The following SELP variants were observed in gnomAD, a reference collection of about 807,000 sequenced individuals.
SELP encodes the protein selectin P.
In SELP, 92 loss-of-function variants were observed where a neutral mutation model predicts 104.1. The observed-to-expected ratio is 0.88, with a 90% CI of 0.75 to 1.05. SELP has a LOEUF of 1.05. SELP is among the 50% of genes least tolerant of loss of function. SELP has a pLI of 0.00. For missense variants in SELP, 1,022 were observed against 1,017.3 expected (o/e 1.00, Z -0.06); for synonymous variants, 397 against 364.5 (o/e 1.09, Z -1.01).
chr1:169,630,014 A>C, intron 1 of SELP, 58 bp downstream of exon 1: 2 of 1,610,468 alleles, frequency 1.2e-6, no homozygotes, highest in Non-Finnish European at 1.7e-6. Context: ...GCCTGACTTT[A>C]CTCCATACCA....
Position 169,602,400 on chromosome 1 carries a change from G to A in SELP, c.1705+626C>T, listed in dbSNP as rs529198012. Among the ~76,000 whole-genome samples the A allele has an allele frequency of 4.6e-5, 7 of 152,308 alleles. No individual in the cohort carries two copies. In the East Asian group the frequency reaches 1.3e-3, roughly 29 times the overall value. ...ATGTAGGAATGAAGAAATGAAGAAT[G>A]TAGCTGAAGAAGACTCTGTAAGGAA... On this transcript the variant is annotated intron_variant, in intron 10 of 16. Transcript: ENST00000263686.
chr1:169,606,461 A>G (rs1445895396), intron 9 of SELP, among the ~76,000 whole-genome samples: 2 of 152,138 alleles, frequency 1.3e-5, no homozygotes, highest in African/African-American at 4.8e-5. Flanking sequence ...TTCTAAGTCT[A>G]TTTCTCCAAT....
At chr1:169,594,562 A>T (rs1297876401) in intron 13 of SELP, 130 bp downstream of exon 13, 9 of 826,786 alleles carry the variant, frequency 1.1e-5, no homozygotes, top group Middle Eastern at 2.3e-4. Context: ...ATTCATTGTG[A>T]AACACTTATT....
At chr1:169,597,323 T>C (rs1661680045) in intron 10 of SELP, 147 bp from the exon 11 acceptor site, 2 of 637,850 alleles carry the variant, frequency 3.1e-6, no homozygotes, top group African/African-American at 1.9e-5. Context: ...TTCCACAACA[T>C]ATCATGTAGG....
At chr1:169,618,879 G>A (rs3917698) in intron 2 of SELP, among the ~76,000 whole-genome samples, 86,040 of 152,000 alleles carry the variant, frequency 0.57, 24,837 homozygotes, top group Middle Eastern at 0.67. Context: ...GTGGGTCTTT[G>A]AAAATTTTGT....
In SELP at chr1:169,611,518, C is replaced by A; in HGVS notation, c.1121G>T (p.Trp374Leu). The A allele has an allele frequency of 6.2e-7, 1 of 1,613,988 alleles. No individual in the cohort carries two copies. The change falls in exon 7 of 17, where the codon TGG becomes TTG. Residue 374 changes from tryptophan to leucine, a missense_variant. Coordinates refer to ENST00000263686, the MANE Select transcript of SELP (RefSeq NM_003005.4). Reference protein sequence around the residue: ...DMLRCIDSGHWSAPLPTCEAI... With the variant: ...DMLRCIDSGHLSAPLPTCEAI... ...CTCACAGGTTGGCAAGGGTGCAGACCAGTGTCCAGAGTCAATGCAGCGGAG... is the reference window on the plus strand; with the variant it reads ...CTCACAGGTTGGCAAGGGTGCAGACAAGTGTCCAGAGTCAATGCAGCGGAG...
At chr1:169,599,372 C>A (rs1486769680) in intron 10 of SELP, among the ~76,000 whole-genome samples, 1 of 128,940 alleles carries the variant, frequency 7.8e-6, no homozygotes, top group Non-Finnish European at 1.6e-5. Flanking sequence ...AAAAAAAAAA[C>A]TCCTGAATAA....
rs12022109 is a variant in SELP at position 169,618,790 on chromosome 1, A to G, written c.94+339T>C. Among the ~76,000 whole-genome samples, 8 of 152,340 alleles carry G rather than the reference A, an allele frequency of 5.3e-5. No individual in the cohort carries two copies. In the East Asian group the frequency reaches 1.5e-3, roughly 29 times the overall value. On this transcript the variant is annotated intron_variant, in intron 2 of 16. Coordinates refer to ENST00000263686, the MANE Select transcript of SELP (RefSeq NM_003005.4). ...TTCTATTTTGCAACTGCACTGGTAC[A>G]AAGATGAATATATCACTATATATTA...
chr1:169,591,429 T>TGA lies in SELP; in HGVS notation c.2433_2434dup (p.His812LeufsTer5). On this transcript the variant is annotated frameshift_variant, in exon 15 of 17. Transcript: ENST00000263686. LOFTEE classifies it high-confidence loss of function. ...TCATAAAACATTTCTACCTTACCTG[T>TGA]GAGGATTCAAGGGGCATTTCCCATC... 3.8e-6 allele frequency: 6 copies of TGA among 1,581,268 alleles called. No individual in the cohort carries two copies. Among genetic ancestry groups the TGA allele is most frequent in the Non-Finnish European group, 5.2e-6 (6 of 1,163,980 alleles).
intron 16 of SELP, 72 bp downstream of exon 16, chr1:169,590,075 G>T: frequency 1.9e-6 from 2 of 1,045,530 alleles, no homozygotes; most frequent in Non-Finnish European, 2.9e-6. Context: ...GTAAAGAAAA[G>T]TTAAGCTTTA....
At chr1:169,599,030 AG>A (rs1331040245) in intron 10 of SELP, among the ~76,000 whole-genome samples, 1 of 152,210 alleles carries the variant, frequency 6.6e-6, no homozygotes, top group Non-Finnish European at 1.5e-5. Context: ...TTACATATCC[AG>A]ACTTTCATAT....
intron 4 of SELP, 132 bp downstream of exon 4, chr1:169,613,454 G>A: frequency 1.4e-6 from 1 of 703,506 alleles, no homozygotes; most frequent in Non-Finnish European, 2.5e-6. Flanking sequence ...GACACTGAGT[G>A]GAGGAGACAG....
At chr1:169,626,489 G>A (rs1468280809) in intron 1 of SELP, among the ~76,000 whole-genome samples, 7 of 152,228 alleles carry the variant, frequency 4.6e-5, no homozygotes, top group Non-Finnish European at 1.0e-4. Context: ...GCTGAGACAG[G>A]AGAATCGCTT....
intron 8 of SELP, among the ~76,000 whole-genome samples, chr1:169,607,730 G>T (rs1165068063): frequency 1.3e-5 from 2 of 152,140 alleles, no homozygotes; most frequent in Admixed American, 6.5e-5. Context: ...TAAAATGGTA[G>T]TAATAATTGT....
chr1:169,617,370 T>C lies in SELP; in HGVS notation c.139A>G (p.Ser47Gly), dbSNP rs1227433371. The part of the protein sequence containing the change: ...KEVAAWTYHY[S>G]TKAYSWNISR... ...ATATTCCATGAGTATGCTTTTGTGC[T>C]GTAATGATAAGTCCATGCTGCCACT... is the stretch of plus-strand genomic sequence containing the variant. Residue 47 changes from serine (S) to glycine (G), a missense_variant, in exon 3 of 17, where the codon AGC becomes GGC. Physicochemically the swap from Ser to Gly is moderately conservative, Grantham distance 56. Coordinates refer to ENST00000263686, the MANE Select transcript of SELP (RefSeq NM_003005.4). 1.9e-6 allele frequency: 3 copies of C among 1,614,010 alleles called. No homozygotes were observed. The highest frequency in any genetic ancestry group is 2.5e-6 in the Non-Finnish European group (3 of 1,180,004).
chr1:169,594,976 G>T, intron 12 of SELP, 99 bp from the exon 13 acceptor site: 1 of 1,071,860 alleles, frequency 9.3e-7, no homozygotes, highest in Non-Finnish European at 1.3e-6. Flanking sequence ...AAATGAGGCA[G>T]AATGTAAAAG....
chr1:169,599,692 C>T (rs1302701128), intron 10 of SELP, among the ~76,000 whole-genome samples: 2 of 151,984 alleles, frequency 1.3e-5, no homozygotes, highest in Non-Finnish European at 2.9e-5. Context: ...ATATTGTAAA[C>T]TCAAACTTTA....
chr1:169,615,993 G>A (rs190483713), intron 3 of SELP, among the ~76,000 whole-genome samples: 7 of 152,222 alleles, frequency 4.6e-5, no homozygotes, highest in Non-Finnish European at 8.8e-5. Context: ...CACAGTGTTC[G>A]TGTGCTACAA....
intron 1 of SELP, among the ~76,000 whole-genome samples, chr1:169,623,682 T>C (rs1663243732): frequency 6.6e-6 from 1 of 152,198 alleles, no homozygotes; most frequent in Non-Finnish European, 1.5e-5. Flanking sequence ...TGACATACTT[T>C]TCTGTTTCTA....
Sources: allele counts gnomAD v4.1 joint callset (sites outside exome capture counted in the v4.1 genomes callset), GRCh38; gene constraint gnomAD v4.1.1; transcripts MANE v1.5; gene names NCBI Gene and HGNC (gene_info 2026-07-23, HGNC 2026-07-21).